CFAP47: variants seen among roughly 807,000 people sequenced by gnomAD.
The protein encoded by CFAP47 is cilia and flagella associated protein 47, also known as cilia- and flagella-associated protein 47.
Under a neutral mutation model 148.1 loss-of-function variants are expected in CFAP47, and 29 were observed. The ratio of observed to expected loss-of-function variants is 0.20; its 90% confidence interval spans 0.15 to 0.27. CFAP47 has a LOEUF of 0.27. Ranked by LOEUF, CFAP47 falls within the 10% of genes least tolerant of loss-of-function variation. The pLI, the probability that CFAP47 is intolerant of heterozygous loss-of-function variation, is 1.00. For missense variants in CFAP47, 1,872 were observed against 1,697.5 expected, an observed-to-expected ratio of 1.10 and a Z score of -1.81; for synonymous variants, 664 against 577.3, an observed-to-expected ratio of 1.15 and a Z score of -2.15.
intron 48 of CFAP47, among the ~76,000 whole-genome samples, chrX:36,251,014 G>T (rs946577704): frequency 9.0e-6 from 1 of 111,207 alleles, no homozygotes; most frequent in Admixed American, 9.6e-5. Context: ...ATTGTGCATG[G>T]TTGATGAGAG....
intron 52 of CFAP47, among the ~76,000 whole-genome samples, chrX:36,300,018 A>G (rs1325242997): frequency 8.9e-6 from 1 of 111,884 alleles, no homozygotes; most frequent in Non-Finnish European, 1.9e-5. Flanking sequence ...ATATGACTGC[A>G]CAAGCTTTGT....
intron 25 of CFAP47, among the ~76,000 whole-genome samples, chrX:36,044,629 A>G (rs960420233): frequency 2.7e-5 from 3 of 111,877 alleles, no homozygotes; most frequent in Non-Finnish European, 5.6e-5. Flanking sequence ...TAAGTTCCTC[A>G]TCTCTATCTG....
chrX:36,096,174 T>C (rs867925484), intron 30 of CFAP47, among the ~76,000 whole-genome samples: 1 of 5,777 alleles, frequency 1.7e-4, no homozygotes, highest in Non-Finnish European at 2.4e-4. Flanking sequence ...TACCTCTTGT[T>C]ATTCTTGTTT....
chrX:35,979,762 G>A (rs1936617420), intron 15 of CFAP47, among the ~76,000 whole-genome samples: 2 of 111,501 alleles, frequency 1.8e-5, no homozygotes, highest in Non-Finnish European at 3.8e-5. Context: ...TAAGACAAAG[G>A]AGAATGCAGT....
intron 3 of CFAP47, among the ~76,000 whole-genome samples, chrX:35,945,029 T>C (rs767926209): frequency 8.9e-6 from 1 of 112,006 alleles, no homozygotes; most frequent in South Asian, 3.7e-4. Flanking sequence ...TTATATAGAA[T>C]GCTAATTAAT....
intron 31 of CFAP47, 93 bp from the exon 32 acceptor site, chrX:36,099,658 T>G: frequency 2.3e-6 from 1 of 438,724 alleles, no homozygotes; most frequent in Non-Finnish European, 4.0e-6. Flanking sequence ...GATTAAAGTA[T>G]AGAAAAGGCA....
chrX:35,942,934 A>G (rs1236985513), intron 3 of CFAP47, among the ~76,000 whole-genome samples: 1 of 111,914 alleles, frequency 8.9e-6, no homozygotes, highest in African/African-American at 3.2e-5. Flanking sequence ...TGGGTTTATT[A>G]TACTTGAGTA....
intron 51 of CFAP47, among the ~76,000 whole-genome samples, chrX:36,286,976 T>C (rs1005190043): frequency 1.3e-4 from 14 of 111,143 alleles, no homozygotes; most frequent in Non-Finnish European, 2.1e-4. Context: ...AAAATACTGA[T>C]AGAAATTGAG....
intron 37 of CFAP47, among the ~76,000 whole-genome samples, chrX:36,156,061 A>G (rs1476704127): frequency 1.8e-5 from 2 of 111,461 alleles, no homozygotes; most frequent in African/African-American, 6.5e-5. Context: ...CATATAAAAA[A>G]CAACTACTCA....
intron 15 of CFAP47, among the ~76,000 whole-genome samples, chrX:35,984,006 C>T (rs1388204519): frequency 8.9e-6 from 1 of 111,747 alleles, no homozygotes; most frequent in Non-Finnish European, 1.9e-5. Context: ...CACTCCCCCT[C>T]AATTTTTTGG....
rs1556001335 is a variant in CFAP47, at chrX:36,268,130, A to T, written c.7445-12357A>T. Among the ~76,000 whole-genome samples the T allele has an allele frequency of 7.0e-5, 8 of 113,527 alleles. No homozygotes were observed. The South Asian group carries it at 2.5e-3, about 35-fold the overall frequency. ...ATACGGCATTTTCTGCCTTTACATAAGATGATCTGTCCTCTGATTGCTAGC... is the reference window on the plus strand; with the variant it reads ...ATACGGCATTTTCTGCCTTTACATATGATGATCTGTCCTCTGATTGCTAGC... On this transcript the variant is annotated intron_variant, in intron 49 of 63. Transcript: ENST00000378653.
chrX:36,205,688 A>G, intron 45 of CFAP47, among the ~76,000 whole-genome samples: 1 of 112,022 alleles, frequency 8.9e-6, no homozygotes, highest in East Asian at 2.8e-4. Flanking sequence ...TACTAGCATT[A>G]CTAAATACAA....
At chrX:36,100,094 G>A (rs1371359353) in intron 32 of CFAP47, among the ~76,000 whole-genome samples, 1 of 111,247 alleles carries the variant, frequency 9.0e-6, no homozygotes, top group Non-Finnish European at 1.9e-5. Context: ...TTCATGTATG[G>A]GTCTGATTTC....
intron 30 of CFAP47, among the ~76,000 whole-genome samples, chrX:36,087,115 G>A (rs998374859): frequency 7.2e-4 from 81 of 111,989 alleles, no homozygotes; most frequent in African/African-American, 2.5e-3. Context: ...TCCCTGTCTC[G>A]TGTAAGCCCA....
intron 39 of CFAP47, among the ~76,000 whole-genome samples, chrX:36,173,014 T>A (rs1939607611): frequency 9.0e-6 from 1 of 111,283 alleles, no homozygotes; most frequent in South Asian, 3.8e-4. Context: ...AACTTCTTCC[T>A]GGTTTAGTCT....
chrX:36,151,811 A>G (rs965682578), intron 37 of CFAP47, among the ~76,000 whole-genome samples: 9 of 112,035 alleles, frequency 8.0e-5, no homozygotes, highest in African/African-American at 2.9e-4. Context: ...CTGCTATAAC[A>G]AAACACCAAA....
At position 36,207,651 on chromosome X, in the gene CFAP47, A is replaced by G. The variant is rs146412377; in HGVS notation, c.6817+2541A>G. ...CCTACTTTTATATTTCTAATTTTAC[A>G]TTATTGCTCTTTTGGAAGGCCCCTC... is the stretch of plus-strand genomic sequence containing the variant. On this transcript the variant is annotated intron_variant, in intron 45 of 63. Transcript: ENST00000378653. Among the ~76,000 whole-genome samples, 502 of 111,201 alleles carry G rather than the reference A, an allele frequency of 4.5e-3. 4 individuals are homozygous for G. The highest frequency in any genetic ancestry group is 0.015 in the African/African-American group (453 of 30,631).
chrX:36,258,316 A>G (rs1238544568), intron 49 of CFAP47, among the ~76,000 whole-genome samples: 3 of 112,316 alleles, frequency 2.7e-5, no homozygotes, highest in Non-Finnish European at 5.6e-5. Context: ...AACACTAAAT[A>G]TATCCATAGT....
In CFAP47 at chrX:36,318,901, T is replaced by A. The variant is rs782720271; in HGVS notation, c.8345-308T>A. On this transcript the variant is annotated intron_variant, in intron 56 of 63. Coordinates refer to ENST00000378653, the MANE Select transcript of CFAP47 (RefSeq NM_001304548.2). ...GTTGCCCAGACTGGCCTTGAACTCT[T>A]GGCCTCAAGCAATCTTCCTGCCTCA... Among the ~76,000 whole-genome samples, 30 of 111,697 alleles carry A rather than the reference T, an allele frequency of 2.7e-4. No individual in the cohort carries two copies. In the South Asian group the frequency reaches 0.011, roughly 40 times the overall value.
Sources: gnomAD v4.1 joint callset for allele counts (sites outside exome capture counted in the v4.1 genomes callset) on GRCh38, gnomAD v4.1.1 for gene constraint, MANE v1.5 for transcripts, NCBI Gene and HGNC (gene_info 2026-07-23, HGNC 2026-07-21) for gene names.